TTLL6: variants seen among roughly 807,000 people sequenced by gnomAD.
The protein encoded by TTLL6 is tubulin polyglutamylase TTLL6.
A neutral mutation model predicts 96.4 loss-of-function variants in TTLL6; 75 were observed. The observed-to-expected ratio is 0.78, with a 90% CI of 0.65 to 0.94. TTLL6 has a LOEUF of 0.94. TTLL6 is among the 40% of genes least tolerant of loss of function. TTLL6 has a pLI of 0.00. For missense variants in TTLL6, 1,030 were observed against 1,093.0 expected (o/e 0.94, Z 0.81); for synonymous variants, 411 against 419.4 (o/e 0.98, Z 0.24).
chr17:48,809,474 G>A (rs1334208560), intron 1 of TTLL6, among the ~76,000 whole-genome samples: 1 of 152,198 alleles, frequency 6.6e-6, no homozygotes, highest in Non-Finnish European at 1.5e-5. Flanking sequence ...CTGACCCTGA[G>A]TTTGACCTCT....
At position 48,794,264 on chromosome 17, in the gene TTLL6, G is replaced by A. The variant is rs372115103; in HGVS notation, c.998+1797C>T. ...AGCCGAGGGCCCAGGGCCTGCTGTT[G>A]GGGTGCCAATTCTCATTGGAGGAGG... On this transcript the variant is annotated intron_variant, in intron 8 of 15. Transcript: ENST00000393382. 6 of 1,613,782 alleles carry A rather than the reference G, an allele frequency of 3.7e-6. No individual in the cohort carries two copies. In the African/African-American group the frequency reaches 8.0e-5, roughly 22 times the overall value.
intron 8 of TTLL6, 129 bp from the exon 9 acceptor site, chr17:48,791,732 A>G: frequency 1.4e-6 from 1 of 718,268 alleles, no homozygotes; most frequent in South Asian, 1.9e-5. Context: ...ACGCCCAGGA[A>G]CCAGGGTGAC....
Position 48,769,047 on chromosome 17 carries a change from T to A in TTLL6, c.2618A>T (p.Asp873Val). 1.2e-6 allele frequency: 2 copies of A among 1,614,200 alleles called. No homozygotes were observed. Among genetic ancestry groups the A allele is most frequent in the Middle Eastern group, 1.7e-4 (1 of 6,060 alleles). Residue 873 changes from aspartate to valine, a missense_variant, in exon 15 of 16, where the codon GAT becomes GTT. By Grantham distance (152) the Asp-to-Val change is radical. Coordinates refer to ENST00000393382, the MANE Select transcript of TTLL6 (RefSeq NM_001130918.3). ...CAGGCAATGGCTGTATGCTTCTTGA[T>A]CCTGCATACATGGGTCCCTCATAGC... Reference protein sequence around the residue: ...ASAMRDPCMQDQEAYSHCLIS... With the variant: ...ASAMRDPCMQVQEAYSHCLIS...
chr17:48,811,427 TGCTATGTTGCCCAG>T (rs1157288458), intron 1 of TTLL6, among the ~76,000 whole-genome samples: 1 of 152,070 alleles, frequency 6.6e-6, no homozygotes, highest in Non-Finnish European at 1.5e-5. Context: ...GACATGGTCT[TGCTATGTTGCCCAG>T]GCTGGTCTCA....
chr17:48,787,696 G>A (rs1234270135), intron 11 of TTLL6, 115 bp downstream of exon 11: 1 of 1,073,206 alleles, frequency 9.3e-7, no homozygotes, highest in African/African-American at 1.6e-5. Flanking sequence ...GCGCCTGGTT[G>A]CTCTGGCAAC....
chr17:48,772,656 G>A (rs2038771183), intron 13 of TTLL6, among the ~76,000 whole-genome samples: 1 of 151,756 alleles, frequency 6.6e-6, no homozygotes, highest in Admixed American at 6.6e-5. Context: ...ACTTGAACCT[G>A]GGAGGCAGAG....
At chr17:48,809,011 A>G (rs570202527) in intron 1 of TTLL6, among the ~76,000 whole-genome samples, 1 of 152,202 alleles carries the variant, frequency 6.6e-6, no homozygotes, top group African/African-American at 2.4e-5. Context: ...ACCTATAAAT[A>G]ATATAATTAT....
intron 6 of TTLL6, among the ~76,000 whole-genome samples, chr17:48,799,298 T>C (rs1166681853): frequency 6.6e-6 from 1 of 152,248 alleles, no homozygotes; most frequent in Non-Finnish European, 1.5e-5. Flanking sequence ...TCCAGCATCA[T>C]GCCCCTTTCC....
chr17:48,804,672 T>G, intron 2 of TTLL6, 100 bp downstream of exon 2: 1 of 1,005,542 alleles, frequency 9.9e-7, no homozygotes, highest in Non-Finnish European at 1.5e-6. Context: ...AGCACACAGT[T>G]TCTCCTTTAC....
rs377757035 is a variant in TTLL6 at position 48,789,632 on chromosome 17, G to T, written c.1400+299C>A. ...TGCAATGGTGTGATCTCGGCTCACT[G>T]CAACCTCTGTCTCCCAAGTTCAAGC... On this transcript the variant is annotated intron_variant, in intron 10 of 15. Coordinates refer to ENST00000393382, the MANE Select transcript of TTLL6 (RefSeq NM_001130918.3). 3.6e-3 allele frequency among the ~76,000 whole-genome samples: 551 copies of T among 151,928 alleles called. 25 individuals carry two copies. The South Asian group carries it at 0.1, about 28-fold the overall frequency.
At chr17:48,796,215 C>T (rs1001295843) in intron 7 of TTLL6, 69 bp from the exon 8 acceptor site, 9 of 1,253,830 alleles carry the variant, frequency 7.2e-6, no homozygotes, top group African/African-American at 1.5e-5. Context: ...TCTCTGTGCC[C>T]TCCCATGGCC....
intron 13 of TTLL6, among the ~76,000 whole-genome samples, chr17:48,775,579 T>C (rs1297403537): frequency 6.6e-6 from 1 of 151,340 alleles, no homozygotes; most frequent in Non-Finnish European, 1.5e-5. Context: ...TTTGCTCTTG[T>C]TGCCCAGGCT....
intron 1 of TTLL6, among the ~76,000 whole-genome samples, chr17:48,808,411 T>C (rs2039535704): frequency 6.6e-6 from 1 of 150,418 alleles, no homozygotes; most frequent in African/African-American, 2.5e-5. Flanking sequence ...CGTGCATAGA[T>C]ATATGTTGCT....
chr17:48,796,171 C>G (rs1389183126), intron 7 of TTLL6, 25 bp from the exon 8 acceptor site: 1 of 1,539,300 alleles, frequency 6.5e-7, no homozygotes, highest in Non-Finnish European at 8.8e-7. Context: ...ACACATCTGT[C>G]GGGTCAGCTC....
chr17:48,765,546 C>T (rs1245480243), intron 15 of TTLL6: 2 of 152,050 alleles, frequency 1.3e-5, no homozygotes, highest in Non-Finnish European at 2.9e-5. Context: ...CTGATTTTTT[C>T]TTTTTTTAGA....
At chr17:48,785,314 C>T (rs640087) in intron 12 of TTLL6, 113 bp from the exon 13 acceptor site, 205,328 of 1,469,028 alleles carry the variant, frequency 0.14, 15,739 homozygotes, top group Non-Finnish European at 0.16. Flanking sequence ...GGAAAGCAGT[C>T]GATAGTAAAG....
rs1467768578 is a variant in TTLL6 at position 48,817,147 on chromosome 17, CG to C, written c.-76del. ...TCCGCCCGGCCCTCATATTTGCATA[CG>C]GGGCCTTCTAGGCCTTCGATTGGCC... On this transcript the variant is annotated 5_prime_UTR_variant, in exon 1 of 16. The change abolishes the stop of an existing upstream ORF in the 5' untranslated region. Coordinates refer to ENST00000393382, the MANE Select transcript of TTLL6 (RefSeq NM_001130918.3). The C allele has an allele frequency of 8.8e-5, 103 of 1,165,738 alleles. No individual in the cohort carries two copies. Among genetic ancestry groups the C allele is most frequent in the Non-Finnish European group, 1.2e-4 (98 of 834,962 alleles). The allele number at this position is 1,165,738 out of a possible 1,614,324, so 72.2% of individuals were successfully genotyped here.
intron 5 of TTLL6, chr17:48,800,121 T>C (rs1370806258): frequency 6.7e-5 from 12 of 178,082 alleles, no homozygotes; most frequent in Non-Finnish European, 1.2e-5. Flanking sequence ...GTGCTGCATG[T>C]CCCATCAAGG....
intron 13 of TTLL6, among the ~76,000 whole-genome samples, chr17:48,771,399 TG>T (rs1400806309): frequency 6.6e-6 from 1 of 152,018 alleles, no homozygotes. Context: ...GAGGCAGAGG[TG>T]GAAGGATCAC....
Sources: gnomAD v4.1 joint callset for allele counts (sites outside exome capture counted in the v4.1 genomes callset) on GRCh38, gnomAD v4.1.1 for gene constraint, MANE v1.5 for transcripts, NCBI Gene and HGNC (gene_info 2026-07-23, HGNC 2026-07-21) for gene names.